The following TEAD1 variants were observed in gnomAD, a reference collection of about 807,000 sequenced individuals.
The protein encoded by TEAD1 is TEA domain transcription factor 1, also known as transcriptional enhancer factor TEF-1.
Under a neutral mutation model 54.9 loss-of-function variants are expected in TEAD1, and 9 were observed. The ratio of observed to expected loss-of-function variants is 0.16; its 90% CI spans 0.10 to 0.29. The LOEUF (loss-of-function observed/expected upper bound fraction) is 0.29. TEAD1 is among the 10% of genes least tolerant of loss of function. The probability of loss-of-function intolerance (pLI) is 1.00; values close to 1 mark genes in which losing one functional copy is unlikely to be tolerated. For missense variants in TEAD1, 387 were observed against 535.9 expected, an observed-to-expected ratio of 0.72 and a Z score of 2.74; for synonymous variants, 200 against 187.8, an observed-to-expected ratio of 1.07 and a Z score of -0.53.
intron 2 of TEAD1, among the ~76,000 whole-genome samples, chr11:12,709,606 G>A: frequency 6.6e-6 from 1 of 152,056 alleles, no homozygotes. Context: ...CTGTGTCCTT[G>A]AACTCATAGG....
intron 3 of TEAD1, among the ~76,000 whole-genome samples, chr11:12,796,337 G>A (rs1447800133): frequency 6.6e-6 from 1 of 152,168 alleles, no homozygotes; most frequent in East Asian, 1.9e-4. Flanking sequence ...AGCGTTGTTG[G>A]TCTCACTGAA....
chr11:12,735,057 G>A (rs1277997776), intron 2 of TEAD1, among the ~76,000 whole-genome samples: 1 of 152,220 alleles, frequency 6.6e-6, no homozygotes, highest in Non-Finnish European at 1.5e-5. Context: ...TTAAAATGGG[G>A]ATGTGGGGAA....
At chr11:12,759,987 T>C (rs957052638) in intron 2 of TEAD1, among the ~76,000 whole-genome samples, 6 of 152,268 alleles carry the variant, frequency 3.9e-5, no homozygotes, top group Non-Finnish European at 7.3e-5. Context: ...GTTGAACCCG[T>C]GAATAAATTC....
rs758595813 is a variant in TEAD1 at position 12,937,603 on chromosome 11, C to T, written c.*381C>T. On this transcript the variant is annotated 3_prime_UTR_variant, in exon 13 of 13. Coordinates refer to ENST00000527636, the MANE Select transcript of TEAD1 (RefSeq NM_021961.6). Reference sequence around the variant, plus strand: ...AGCATTTGCCATGGGACATTTACAGCCTTTATACAAATGTATTTAGTTCTC... The same window carrying T: ...AGCATTTGCCATGGGACATTTACAGTCTTTATACAAATGTATTTAGTTCTC... 7.9e-4 allele frequency: 128 copies of T among 161,532 alleles called. No homozygotes were observed. Among genetic ancestry groups the T allele is most frequent in the Admixed American group, 1.0e-3 (17 of 16,894 alleles). 10.0% of individuals were successfully genotyped at this position (161,532 alleles called of 1,614,324 possible). A position where few individuals can be genotyped will look rare whatever the true frequency, so the allele number is the denominator to read the frequency against.
chr11:12,910,815 C>T lies in TEAD1; in HGVS notation c.873+8702C>T, dbSNP rs894018756. Among the ~76,000 whole-genome samples, 6 of 144,466 alleles carry T rather than the reference C, an allele frequency of 4.2e-5. No individual in the cohort carries two copies. The East Asian group carries it at 1.0e-3, about 24-fold the overall frequency. 94.8% of individuals were successfully genotyped at this position (144,466 alleles called of 152,430 possible). ...AGGCTGGAGTGCAGTGGCACAGTCT[C>T]GGCTCACTGCAACCTCTGCCTGTCG... On this transcript the variant is annotated intron_variant, in intron 10 of 12. Coordinates refer to ENST00000527636, the MANE Select transcript of TEAD1 (RefSeq NM_021961.6).
chr11:12,700,061 A>G (rs551746039), intron 2 of TEAD1, among the ~76,000 whole-genome samples: 39 of 152,356 alleles, frequency 2.6e-4, no homozygotes, highest in African/African-American at 8.9e-4. Flanking sequence ...ACTTTGATTC[A>G]ACAGCATCTC....
chr11:12,766,343 T>C (rs1945206797), intron 3 of TEAD1, among the ~76,000 whole-genome samples: 1 of 152,248 alleles, frequency 6.6e-6, no homozygotes, highest in Non-Finnish European at 1.5e-5. Flanking sequence ...TATAAATATT[T>C]TTATGTGAAA....
intron 2 of TEAD1, among the ~76,000 whole-genome samples, chr11:12,713,400 A>T (rs1943984525): frequency 6.6e-6 from 1 of 152,242 alleles, no homozygotes; most frequent in Non-Finnish European, 1.5e-5. Context: ...AATATGCTGC[A>T]TGTTTATAAT....
intron 9 of TEAD1, among the ~76,000 whole-genome samples, chr11:12,885,730 C>T (rs1948073836): frequency 6.6e-6 from 1 of 152,166 alleles, no homozygotes. Flanking sequence ...AATGTGGTAG[C>T]TCCCTCATTG....
At chr11:12,854,513 G>A (rs1475771174) in intron 3 of TEAD1, among the ~76,000 whole-genome samples, 1 of 152,170 alleles carries the variant, frequency 6.6e-6, no homozygotes, top group Non-Finnish European at 1.5e-5. Flanking sequence ...GCACATGTTA[G>A]GGTGATCTGA....
At chr11:12,846,228 A>T (rs1002714527) in intron 3 of TEAD1, among the ~76,000 whole-genome samples, 1 of 152,114 alleles carries the variant, frequency 6.6e-6, no homozygotes, top group Non-Finnish European at 1.5e-5. Flanking sequence ...GCCTGCATGG[A>T]GAGTGGAGCC....
intron 5 of TEAD1, chr11:12,865,169 G>T: frequency 6.0e-6 from 3 of 499,346 alleles, no homozygotes; most frequent in South Asian, 4.6e-5. Flanking sequence ...GCAGAGAGCT[G>T]GTCTTGATAA....
intron 3 of TEAD1, among the ~76,000 whole-genome samples, chr11:12,765,677 A>G (rs1202902561): frequency 1.3e-5 from 2 of 152,132 alleles, no homozygotes; most frequent in East Asian, 1.9e-4. Context: ...GGAAACAAGG[A>G]AAATTTTGCT....
chr11:12,851,126 G>A, intron 3 of TEAD1: 1 of 972,160 alleles, frequency 1.0e-6, no homozygotes. Context: ...TATTGAGCGA[G>A]ACACGGAAAG....
chr11:12,809,209 C>T (rs1946240029), intron 3 of TEAD1, among the ~76,000 whole-genome samples: 1 of 152,176 alleles, frequency 6.6e-6, no homozygotes, highest in African/African-American at 2.4e-5. Flanking sequence ...GAGCAGTGGA[C>T]ACTCAGTGAC....
At chr11:12,731,820 G>A (rs1944430812) in intron 2 of TEAD1, among the ~76,000 whole-genome samples, 1 of 152,094 alleles carries the variant, frequency 6.6e-6, no homozygotes, top group Non-Finnish European at 1.5e-5. Context: ...TAGCCTCACT[G>A]TCCCCATTTC....
At chr11:12,864,772 A>AG (rs1947581818) in intron 4 of TEAD1, 66 bp from the exon 5 acceptor site, 1 of 1,613,092 alleles carries the variant, frequency 6.2e-7, no homozygotes, top group Non-Finnish European at 8.5e-7. Context: ...GCCCACTTGT[A>AG]GGGGGCTTTT....
chr11:12,880,283 A>G (rs1947939713), intron 6 of TEAD1, among the ~76,000 whole-genome samples: 1 of 152,176 alleles, frequency 6.6e-6, no homozygotes, highest in Non-Finnish European at 1.5e-5. Context: ...TTTGACACCT[A>G]CCAAAGGCTG....
chr11:12,683,009 A>G (rs970812439), intron 2 of TEAD1, among the ~76,000 whole-genome samples: 11 of 152,192 alleles, frequency 7.2e-5, no homozygotes, highest in African/African-American at 2.4e-4. Flanking sequence ...AGCGGAGAGG[A>G]AAAAAATCCC....
Sources: allele counts gnomAD v4.1 joint callset (sites outside exome capture counted in the v4.1 genomes callset), GRCh38; gene constraint gnomAD v4.1.1; transcripts MANE v1.5; gene names NCBI Gene and HGNC (gene_info 2026-07-23, HGNC 2026-07-21).